The following ANXA8 variants were observed in gnomAD, a reference collection of about 807,000 sequenced individuals.
ANXA8 encodes the protein VAC-beta.
Under a neutral mutation model 26.8 loss-of-function variants are expected in ANXA8, and 9 were observed. That is an observed-to-expected ratio of 0.34 (90% CI 0.20 to 0.59). ANXA8 has a LOEUF of 0.59. Among genes scored for constraint, ANXA8 ranks in the 20% least tolerant of loss-of-function variants. ANXA8 has a pLI of 0.84. For missense variants in ANXA8, 83 were observed against 238.5 expected, an observed-to-expected ratio of 0.35 and a Z score of 4.29; for synonymous variants, 39 against 94.8, an observed-to-expected ratio of 0.41 and a Z score of 3.42.
the ANXA8 span, among the ~76,000 whole-genome samples, chr10:47,944,297 G>C: frequency 6.8e-6 from 1 of 148,000 alleles, no homozygotes; most frequent in South Asian, 2.1e-4. Context: ...ATCACCTTGA[G>C]GTTTAGGATT....
intron 1 of ANXA8, among the ~76,000 whole-genome samples, chr10:47,483,073 C>A (rs1234544808): frequency 6.6e-6 from 1 of 151,448 alleles, no homozygotes; most frequent in East Asian, 2.0e-4. Flanking sequence ...CTGTCCCCTT[C>A]TGGATATTCA....
the ANXA8 span, among the ~76,000 whole-genome samples, chr10:47,576,692 G>A: frequency 1.3e-5 from 2 of 150,574 alleles, no homozygotes; most frequent in African/African-American, 4.9e-5. Flanking sequence ...GCTAATTTCT[G>A]TATTTTTTGG....
At chr10:47,486,425 G>T (rs1342455760), upstream of ANXA8, among the ~76,000 whole-genome samples, 1 of 139,904 alleles carries the variant, frequency 7.1e-6, no homozygotes, top group South Asian at 2.4e-4. Context: ...AGGAAATGAA[G>T]CACAGACACT....
chr10:47,942,862 G>A, the ANXA8 span, among the ~76,000 whole-genome samples: 2 of 144,668 alleles, frequency 1.4e-5, no homozygotes, highest in Non-Finnish European at 3.0e-5. Context: ...GGGGAGCCAG[G>A]CAGCCTGGGG....
chr10:47,941,388 C>T, the ANXA8 span, among the ~76,000 whole-genome samples: 249 of 146,924 alleles, frequency 1.7e-3, 41 homozygotes, highest in African/African-American at 6.4e-3. Context: ...GGTGTGGTGG[C>T]TCACGTCTGT....
At chr10:47,535,010 T>C in the ANXA8 span, among the ~76,000 whole-genome samples, 1 of 100,822 alleles carries the variant, frequency 9.9e-6, no homozygotes, top group African/African-American at 5.1e-5. Flanking sequence ...AGTCTCACTC[T>C]GTCATCTAGG....
chr10:47,496,888 AT>A, the ANXA8 span, among the ~76,000 whole-genome samples: 1 of 138,416 alleles, frequency 7.2e-6, no homozygotes, highest in African/African-American at 2.8e-5. Context: ...CTTACTGATG[AT>A]GTTGAACTTG....
the ANXA8 span, chr10:47,566,040 T>C: frequency 1.0e-5 from 9 of 867,144 alleles, no homozygotes; most frequent in African/African-American, 1.6e-4. Flanking sequence ...TGCCCTCGGC[T>C]CCGCCGCCCG....
chr10:47,703,167 T>C, the ANXA8 span, among the ~76,000 whole-genome samples: 1 of 151,816 alleles, frequency 6.6e-6, no homozygotes, highest in Non-Finnish European at 1.5e-5. Flanking sequence ...TACAAATCCT[T>C]ACTGATATAA....
chr10:47,769,054 C>G, the ANXA8 span, among the ~76,000 whole-genome samples: 1 of 145,754 alleles, frequency 6.9e-6, no homozygotes, highest in Admixed American at 6.8e-5. Flanking sequence ...TGACCACAGG[C>G]CCTACCCAGA....
At chr10:47,676,867 G>A in the ANXA8 span, among the ~76,000 whole-genome samples, 1 of 146,620 alleles carries the variant, frequency 6.8e-6, no homozygotes, top group Non-Finnish European at 1.5e-5. Flanking sequence ...GCACTGAGCC[G>A]AGATCATGTG....
the ANXA8 span, among the ~76,000 whole-genome samples, chr10:47,735,676 T>A: frequency 6.6e-6 from 1 of 151,340 alleles, no homozygotes; most frequent in Non-Finnish European, 1.5e-5. Context: ...AGACATTCTG[T>A]TAACCAGGTT....
the ANXA8 span, among the ~76,000 whole-genome samples, chr10:47,955,096 T>C: frequency 0.017 from 2,431 of 145,476 alleles, 5 homozygotes; most frequent in Middle Eastern, 0.025. Flanking sequence ...TTTACTGTGC[T>C]GTTCTCATGA....
chr10:47,772,572 G>T, the ANXA8 span, among the ~76,000 whole-genome samples: 5 of 152,036 alleles, frequency 3.3e-5, no homozygotes, highest in African/African-American at 1.2e-4. Context: ...AATGCCACGG[G>T]ATTTCAATTC....
chr10:47,571,433 C>G, the ANXA8 span, among the ~76,000 whole-genome samples: 1 of 149,556 alleles, frequency 6.7e-6, no homozygotes, highest in Non-Finnish European at 1.5e-5. Context: ...TCTCGGCAAA[C>G]CTTCAAATTC....
chr10:47,595,897 AC>A, the ANXA8 span, among the ~76,000 whole-genome samples: 1 of 148,548 alleles, frequency 6.7e-6, no homozygotes, highest in African/African-American at 2.6e-5. Flanking sequence ...TAAATTTGCC[AC>A]TTGACCAATT....
At chr10:47,680,308 T>C in the ANXA8 span, among the ~76,000 whole-genome samples, 2 of 151,950 alleles carry the variant, frequency 1.3e-5, no homozygotes, top group Admixed American at 6.6e-5. Context: ...ACTGCTCTGA[T>C]TGGATCATTA....
At chr10:47,900,753 A>G in the ANXA8 span, among the ~76,000 whole-genome samples, 1 of 107,374 alleles carries the variant, frequency 9.3e-6, no homozygotes, top group Non-Finnish European at 1.9e-5. Context: ...TCTCACTAAT[A>G]TAACCTGTAA....
the ANXA8 span, among the ~76,000 whole-genome samples, chr10:47,979,463 C>T: frequency 0.03 from 4,491 of 151,282 alleles, 157 homozygotes; most frequent in African/African-American, 0.1. Context: ...CCTGGAACCA[C>T]GTTACATTAC....
Sources: gnomAD v4.1 joint callset for allele counts (sites outside exome capture counted in the v4.1 genomes callset) on GRCh38, gnomAD v4.1.1 for gene constraint, MANE v1.5 for transcripts, NCBI Gene and HGNC (gene_info 2026-07-23, HGNC 2026-07-21) for gene names.